The following DLC1 variants were observed in gnomAD, a reference collection of about 807,000 sequenced individuals.
The protein encoded by DLC1 is DLC1 Rho GTPase activating protein, also known as rho GTPase-activating protein 7.
In DLC1, 54 loss-of-function variants were observed where a neutral mutation model predicts 140.3. The observed-to-expected ratio is 0.38, with a 90% confidence interval of 0.31 to 0.48. DLC1 has a LOEUF of 0.48. DLC1 is among the 20% of genes least tolerant of loss of function. DLC1 has a pLI of 0.96. For missense variants in DLC1, 2,536 were observed against 1,907.0 expected, an observed-to-expected ratio of 1.33 and a Z score of -6.14; for synonymous variants, 986 against 728.1, an observed-to-expected ratio of 1.35 and a Z score of -5.70.
In DLC1 at chr8:13,214,542, C is replaced by T. The variant is rs541317523; in HGVS notation, c.1348+90727G>A. The T allele has an allele frequency of 5.3e-4, 370 of 691,762 alleles. 1 individual carries two copies. Among genetic ancestry groups the T allele is most frequent in the East Asian group, 4.3e-3 (173 of 40,204 alleles). The allele number at this position is 691,762 out of a possible 1,614,324, so 42.9% of individuals were successfully genotyped here. ...CACATCTTACTGAAGAGCTGTCCCC[C>T]GGCCCCAACCCCACCTTTTTTTTTT... On this transcript the variant is annotated intron_variant, in intron 5 of 17. Transcript: ENST00000276297.
At chr8:13,451,503 T>TC (rs1483696811) in intron 2 of DLC1, among the ~76,000 whole-genome samples, 1 of 152,076 alleles carries the variant, frequency 6.6e-6, no homozygotes, top group African/African-American at 2.4e-5. Context: ...ATCCCCACAG[T>TC]CCCCCACCCT....
intron 1 of DLC1, among the ~76,000 whole-genome samples, chr8:13,580,277 C>T (rs1279462170): frequency 6.6e-6 from 1 of 152,088 alleles, no homozygotes; most frequent in Non-Finnish European, 1.5e-5. Flanking sequence ...CGACCGCCAC[C>T]ACGCGCGGCT....
rs1585555659 is a variant in DLC1, at chr8:13,085,864, G to A, written c.4534C>T (p.Arg1512Trp). 1.9e-6 allele frequency: 3 copies of A among 1,614,068 alleles called. No homozygotes were observed. The highest frequency in any genetic ancestry group is 1.1e-5 in the South Asian group (1 of 91,080). The part of the protein sequence containing the change: ...HLCAAEVVKI[R>W]DSFSNQNTET... Reference sequence around the variant, plus strand: ...GTGTTCTGGTTACTGAAGGAATCCCGGATCTTTACAACTTCAGCTGCACAC... The same window carrying A: ...GTGTTCTGGTTACTGAAGGAATCCCAGATCTTTACAACTTCAGCTGCACAC... The change falls in exon 18 of 18, where the codon CGG becomes TGG. Residue 1512 changes from arginine (R) to tryptophan (W), a missense_variant. By Grantham distance (101) the Arg-to-Trp change is moderately radical. Coordinates refer to ENST00000276297, the MANE Select transcript of DLC1 (RefSeq NM_182643.3).
At chr8:13,533,243 TTG>T (rs1803160830) in intron 1 of DLC1, among the ~76,000 whole-genome samples, 2 of 19,144 alleles carry the variant, frequency 1.0e-4, no homozygotes, top group Admixed American at 7.3e-4. Context: ...AGAATAATCG[TTG>T]TTTTTTTTTG....
intron 4 of DLC1, among the ~76,000 whole-genome samples, chr8:13,372,279 G>A (rs1359919433): frequency 6.6e-6 from 1 of 152,072 alleles, no homozygotes; most frequent in African/African-American, 2.4e-5. Flanking sequence ...CGAGCCAAAG[G>A]TTCAAAATCA....
chr8:13,428,631 T>G (rs1256530348), intron 2 of DLC1, among the ~76,000 whole-genome samples: 1 of 152,026 alleles, frequency 6.6e-6, no homozygotes, highest in Non-Finnish European at 1.5e-5. Flanking sequence ...TGACTTGAGT[T>G]CAGAAGAAAA....
chr8:13,468,009 G>A (rs950251363), intron 2 of DLC1, among the ~76,000 whole-genome samples: 20 of 151,974 alleles, frequency 1.3e-4, no homozygotes, highest in Admixed American at 1.3e-4. Context: ...ACTGACATTC[G>A]TTCTTTTCTT....
chr8:13,088,469 C>G lies in DLC1; in HGVS notation c.4292+18G>C. On this transcript the variant is annotated intron_variant, in intron 16 of 17. Transcript: ENST00000276297. Reference sequence around the variant, plus strand: ...TGGAGTCATCCTTGTCACAAAAAAACAACTGGGAAGCGCTCACCTTAAAAC... The same window carrying G: ...TGGAGTCATCCTTGTCACAAAAAAAGAACTGGGAAGCGCTCACCTTAAAAC... 6.2e-7 allele frequency: 1 copy of G among 1,613,548 alleles called. No individual in the cohort carries two copies. Among genetic ancestry groups the G allele is most frequent in the Non-Finnish European group, 8.5e-7 (1 of 1,179,642 alleles).
At chr8:13,509,701 T>C (rs371362458) in intron 1 of DLC1, among the ~76,000 whole-genome samples, 126 of 151,978 alleles carry the variant, frequency 8.3e-4, no homozygotes, top group African/African-American at 3.0e-3. Flanking sequence ...CTAATTAATT[T>C]GATAGGGAAG....
At chr8:13,424,959 A>T (rs554716651) in intron 2 of DLC1, among the ~76,000 whole-genome samples, 3 of 152,316 alleles carry the variant, frequency 2.0e-5, no homozygotes, top group South Asian at 2.1e-4. Context: ...AATGGCTATA[A>T]ATATGATCAT....
chr8:13,120,370 T>TATATATATATATATATATATAA (rs369581778), intron 5 of DLC1, among the ~76,000 whole-genome samples: 4 of 110,866 alleles, frequency 3.6e-5, no homozygotes, highest in Admixed American at 3.3e-4. Flanking sequence ...TATATATATA[T>TATATATATATATATATATATAA]AAAATGTATA....
intron 4 of DLC1, among the ~76,000 whole-genome samples, chr8:13,392,260 A>G (rs1349413919): frequency 6.6e-6 from 1 of 152,180 alleles, no homozygotes; most frequent in Non-Finnish European, 1.5e-5. Context: ...GCTGGAATGT[A>G]AGCTGTTTAA....
upstream of DLC1, among the ~76,000 whole-genome samples, chr8:13,516,008 G>T (rs1260722305): frequency 1.3e-5 from 2 of 152,184 alleles, no homozygotes; most frequent in Non-Finnish European, 2.9e-5. Context: ...AGGCTGTGGA[G>T]AGGCCAGTAG....
chr8:13,502,405 C>T (rs1311592712), intron 1 of DLC1, among the ~76,000 whole-genome samples: 1 of 152,074 alleles, frequency 6.6e-6, no homozygotes, highest in Non-Finnish European at 1.5e-5. Context: ...ATCATTATTA[C>T]ATTTGGCATC....
chr8:13,214,972 G>A (rs1282022539), intron 5 of DLC1, among the ~76,000 whole-genome samples: 3 of 152,100 alleles, frequency 2.0e-5, no homozygotes, highest in Non-Finnish European at 2.9e-5. Flanking sequence ...AACCATCCAG[G>A]AGGAGTACAC....
chr8:13,598,502 C>T (rs918216371), intron 1 of DLC1, among the ~76,000 whole-genome samples: 1 of 151,954 alleles, frequency 6.6e-6, no homozygotes, highest in African/African-American at 2.4e-5. Context: ...TTCTTTATGT[C>T]CCTTTTAGAA....
At chr8:13,339,374 A>G (rs1426570691) in intron 4 of DLC1, 2 of 152,248 alleles carry the variant, frequency 1.3e-5, no homozygotes, top group African/African-American at 2.4e-5. Context: ...GTGCCAGGCA[A>G]ATAGCAAGTG....
At chr8:13,495,336 G>T (rs1344201991) in intron 2 of DLC1, among the ~76,000 whole-genome samples, 1 of 152,028 alleles carries the variant, frequency 6.6e-6, no homozygotes, top group Non-Finnish European at 1.5e-5. Context: ...GGTTTAAAGA[G>T]ACCACTTCTT....
chr8:13,445,610 G>T (rs890582146), intron 2 of DLC1, among the ~76,000 whole-genome samples: 10 of 152,300 alleles, frequency 6.6e-5, no homozygotes, highest in African/African-American at 2.4e-4. Context: ...ACAGTAATGA[G>T]TGAGGACAAA....
Sources: gnomAD v4.1 joint callset for allele counts (sites outside exome capture counted in the v4.1 genomes callset) on GRCh38, gnomAD v4.1.1 for gene constraint, MANE v1.5 for transcripts, NCBI Gene and HGNC (gene_info 2026-07-23, HGNC 2026-07-21) for gene names.